SMPDL3B: variants seen among roughly 807,000 people sequenced by gnomAD.
SMPDL3B encodes the protein acid sphingomyelinase-like phosphodiesterase 3b.
In SMPDL3B, 31 loss-of-function variants were observed where a neutral mutation model predicts 37.9. That is an observed-to-expected ratio of 0.82 (90% CI 0.61 to 1.10). The LOEUF is 1.10. Ranked by LOEUF, SMPDL3B falls within the 50% of genes least tolerant of loss-of-function variation. The probability of loss-of-function intolerance (pLI) is 0.00; values close to 1 mark genes in which losing one functional copy is unlikely to be tolerated. For missense variants in SMPDL3B, 525 were observed against 597.8 expected (o/e 0.88, Z 1.27); for synonymous variants, 235 against 242.6 (o/e 0.97, Z 0.29).
chr1:27,953,164 C>T (rs2090467513), intron 3 of SMPDL3B, 51 bp from the exon 4 acceptor site: 1 of 1,479,404 alleles, frequency 6.8e-7, no homozygotes, highest in African/African-American at 1.4e-5. Flanking sequence ...ATGATTAACT[C>T]CCCCGAGTGC....
chr1:27,935,301 G>T, intron 1 of SMPDL3B, 57 bp downstream of exon 1: 1 of 1,331,920 alleles, frequency 7.5e-7, no homozygotes, highest in Non-Finnish European at 1.1e-6. Context: ...CTCTGGGGCT[G>T]CGGGAAGCTG....
intron 3 of SMPDL3B, among the ~76,000 whole-genome samples, chr1:27,952,081 G>T (rs144667263): frequency 6.6e-6 from 1 of 152,166 alleles, no homozygotes; most frequent in Non-Finnish European, 1.5e-5. Context: ...ACACCAGGTC[G>T]CACCCTCATG....
At chr1:27,956,743 G>A (rs945126149) in intron 7 of SMPDL3B, among the ~76,000 whole-genome samples, 10 of 152,208 alleles carry the variant, frequency 6.6e-5, no homozygotes, top group African/African-American at 2.4e-4. Flanking sequence ...TTACAGGAGA[G>A]GGACAATAAA....
Position 27,954,488 on chromosome 1 carries a change from G to T in SMPDL3B, c.652G>T (p.Glu218Ter). ...ADPGQQFQWL[E>*]DVLTDASKAG... ...CCCTGGCCAGCAGTTCCAGTGGCTG[G>T]AAGATGTGCTGACCGATGCATCCAA... Residue 218 changes from glutamate (E) to a stop codon, truncating the protein, a stop_gained, in exon 5 of 8, where the codon GAA becomes TAA. Transcript: ENST00000373894. LOFTEE classifies it high-confidence loss of function. The T allele has an allele frequency of 4.3e-6, 7 of 1,614,054 alleles. No individual in the cohort carries two copies. The highest frequency in any genetic ancestry group is 5.9e-6 in the Non-Finnish European group (7 of 1,180,030).
chr1:27,938,591 T>C (rs2090328341), intron 1 of SMPDL3B, among the ~76,000 whole-genome samples: 1 of 152,176 alleles, frequency 6.6e-6, no homozygotes, highest in African/African-American at 2.4e-5. Context: ...TGTAAAATGT[T>C]GTAAAAGTTT....
At chr1:27,952,561 C>T (rs764325920) in intron 3 of SMPDL3B, among the ~76,000 whole-genome samples, 12 of 152,184 alleles carry the variant, frequency 7.9e-5, no homozygotes, top group Non-Finnish European at 1.5e-4. Context: ...ATGGGTTCCC[C>T]TACACCTCCA....
chr1:27,951,104 G>C (rs1201852600), intron 3 of SMPDL3B, among the ~76,000 whole-genome samples: 3 of 152,032 alleles, frequency 2.0e-5, no homozygotes, highest in East Asian at 1.9e-4. Context: ...ATAAGATTTT[G>C]TAGTTTCTAC....
At chr1:27,943,406 G>A (rs1175672933) in intron 1 of SMPDL3B, among the ~76,000 whole-genome samples, 1 of 152,220 alleles carries the variant, frequency 6.6e-6, no homozygotes, top group Non-Finnish European at 1.5e-5. Context: ...GGAAAGTCAA[G>A]GAGTGAGGGT....
chr1:27,958,419 A>T lies in SMPDL3B; in HGVS notation c.1006-57A>T. 6.5e-7 allele frequency: 1 copy of T among 1,547,566 alleles called. No homozygotes were observed. ...CTTGGGGGCAAATGCAAGGTGCAGG[A>T]TGGGGATGGAAGCAGACAACTGCTC... is the stretch of plus-strand genomic sequence containing the variant. On this transcript the variant is annotated intron_variant, in intron 7 of 7. Coordinates refer to ENST00000373894, the MANE Select transcript of SMPDL3B (RefSeq NM_014474.4). This position sits in a 1 kb window ranked among gnomAD's most constrained non-coding sequence, Gnocchi z 5.6.
chr1:27,956,324 C>T, intron 7 of SMPDL3B: 1 of 1,449,078 alleles, frequency 6.9e-7, no homozygotes, highest in East Asian at 2.4e-5. Context: ...CCTGGTCTCC[C>T]TGCCTCTGGC....
intron 1 of SMPDL3B, among the ~76,000 whole-genome samples, chr1:27,940,039 A>AT (rs533976846): frequency 1.1e-3 from 162 of 152,136 alleles, no homozygotes; most frequent in Non-Finnish European, 2.1e-3. Flanking sequence ...GAGTCAATGC[A>AT]TTTTTTTCCA....
At chr1:27,944,557 T>C (rs1419247254) in intron 1 of SMPDL3B, among the ~76,000 whole-genome samples, 1 of 152,018 alleles carries the variant, frequency 6.6e-6, no homozygotes, top group Non-Finnish European at 1.5e-5. Context: ...GGTCCGCCTA[T>C]GTAGCCCAGG....
intron 1 of SMPDL3B, chr1:27,936,813 T>C (rs1193831552): frequency 1.3e-5 from 2 of 152,040 alleles, no homozygotes; most frequent in East Asian, 3.9e-4. Flanking sequence ...GGTCAGGAGA[T>C]TGAGACAATC....
At chr1:27,955,601 G>A (rs2090492985) in intron 5 of SMPDL3B, 83 bp from the exon 6 acceptor site, 2 of 1,398,930 alleles carry the variant, frequency 1.4e-6, no homozygotes, top group Admixed American at 1.9e-5. Flanking sequence ...CTGCCTTTGG[G>A]GCAATTTGCA....
In SMPDL3B at chr1:27,945,195, A is replaced by C. The variant is rs746407046; in HGVS notation, c.62-37A>C. The C allele has an allele frequency of 8.1e-6, 13 of 1,602,550 alleles. No individual in the cohort carries two copies. Among genetic ancestry groups the C allele is most frequent in the Non-Finnish European group, 1.1e-5 (13 of 1,170,096 alleles). On this transcript the variant is annotated intron_variant, in intron 1 of 7. Transcript: ENST00000373894. The surrounding 1 kb of genome is among the most constrained non-coding windows in gnomAD (Gnocchi z 4.0). The stretch of plus-strand genomic sequence containing the variant: ...CTTCCTTGCTTCCAGGCTGAGAGAG[A>C]GACCAGCTTTGAAGGAGGATGTTTT...
chr1:27,946,789 G>A (rs2090411990), intron 2 of SMPDL3B, among the ~76,000 whole-genome samples: 1 of 152,176 alleles, frequency 6.6e-6, no homozygotes, highest in African/African-American at 2.4e-5. Flanking sequence ...GTGTGACCAG[G>A]AAGGACCCTC....
chr1:27,938,278 A>G (rs934440294), intron 1 of SMPDL3B, among the ~76,000 whole-genome samples: 4 of 152,206 alleles, frequency 2.6e-5, no homozygotes, highest in Non-Finnish European at 5.9e-5. Context: ...TGCTGGGTGC[A>G]TTCTAATCCT....
chr1:27,953,358 G>C lies in SMPDL3B; in HGVS notation c.517G>C (p.Gly173Arg). 6.2e-7 allele frequency: 1 copy of C among 1,609,408 alleles called. No individual in the cohort carries two copies. The highest frequency in any genetic ancestry group is 8.5e-7 in the Non-Finnish European group (1 of 1,178,254). ...SNESIALFKKGAFYCEKLPGP... is the reference protein window; with the variant it reads ...SNESIALFKKRAFYCEKLPGP... ...TGAGTCCATCGCTCTCTTCAAAAAA[G>C]GTACCAACACCACCTGCTCCTATCA... The change falls in exon 4 of 8, where the codon GGT (glycine) becomes CGT (arginine). Residue 173 changes from glycine (G) to arginine (R), a missense_variant and splice_region_variant. Transcript: ENST00000373894.
In SMPDL3B at chr1:27,958,916, A is replaced by G. The variant is rs1325865245; in HGVS notation, c.*78A>G. The G allele has an allele frequency of 5.6e-6, 8 of 1,436,424 alleles. No individual in the cohort carries two copies. The highest frequency in any genetic ancestry group is 7.4e-6 in the Non-Finnish European group (8 of 1,087,838). The allele number at this position is 1,436,424 out of a possible 1,614,324, so 89.0% of individuals were successfully genotyped here. ...ATCACCCAGAGCTGGGCCTTCCACC[A>G]TTTCCTCCGCGCCTGAGGAGTGAAC... On this transcript the variant is annotated 3_prime_UTR_variant, in exon 8 of 8. Coordinates refer to ENST00000373894, the MANE Select transcript of SMPDL3B (RefSeq NM_014474.4). This position sits in a 1 kb window ranked among gnomAD's most constrained non-coding sequence, Gnocchi z 5.6.
Sources: gnomAD v4.1 joint callset for allele counts (sites outside exome capture counted in the v4.1 genomes callset) on GRCh38, gnomAD v4.1.1 for gene constraint, Gnocchi (gnomAD v3.1) non-coding constraint, MANE v1.5 for transcripts, NCBI Gene and HGNC (gene_info 2026-07-23, HGNC 2026-07-21) for gene names.